VPS13B: variants seen among roughly 807,000 people sequenced by gnomAD.
The protein encoded by VPS13B is intermembrane lipid transfer protein VPS13B.
A neutral mutation model predicts 426.4 loss-of-function variants in VPS13B; 285 were observed. That is an observed-to-expected ratio of 0.67 (90% CI 0.61 to 0.74). The LOEUF is 0.74. VPS13B is among the 30% of genes least tolerant of loss of function. VPS13B has a pLI of 0.00. For synonymous variants in VPS13B, 1,676 were observed against 1,676.4 expected (o/e 1.00, Z 0.01); for missense variants, 4,537 against 4,782.6 (o/e 0.95, Z 1.51).
intron 32 of VPS13B, among the ~76,000 whole-genome samples, chr8:99,577,015 G>C (rs375762579): frequency 1.3e-5 from 2 of 152,042 alleles, no homozygotes; most frequent in Non-Finnish European, 2.9e-5. Flanking sequence ...TGCCCAACTA[G>C]ATTATAACCT....
intron 43 of VPS13B, among the ~76,000 whole-genome samples, chr8:99,808,665 G>A (rs948826040): frequency 2.0e-5 from 3 of 151,686 alleles, no homozygotes; most frequent in Non-Finnish European, 4.4e-5. Context: ...GCAGTTAGTG[G>A]GTAAGAGTAG....
chr8:99,737,561 A>C (rs1374470148), intron 39 of VPS13B, among the ~76,000 whole-genome samples: 1 of 152,174 alleles, frequency 6.6e-6, no homozygotes, highest in Non-Finnish European at 1.5e-5. Context: ...CTCTTATAAA[A>C]TAGTTTTCTA....
At chr8:99,239,354 G>A (rs1271116723) in intron 17 of VPS13B, among the ~76,000 whole-genome samples, 1 of 152,088 alleles carries the variant, frequency 6.6e-6, no homozygotes, top group Non-Finnish European at 1.5e-5. Flanking sequence ...GACAAAATCA[G>A]TCAAATTACT....
chr8:99,464,183 G>T (rs942877449), intron 23 of VPS13B, among the ~76,000 whole-genome samples: 2 of 152,046 alleles, frequency 1.3e-5, no homozygotes, highest in African/African-American at 4.8e-5. Flanking sequence ...CTGGTTTTTT[G>T]AATGTAAGAG....
At chr8:99,707,602 A>C (rs1267532354) in intron 36 of VPS13B, among the ~76,000 whole-genome samples, 2 of 152,218 alleles carry the variant, frequency 1.3e-5, no homozygotes, top group African/African-American at 4.8e-5. Context: ...TTTAACCAAA[A>C]CAAACAAAAA....
chr8:99,650,950 G>A (rs1040495832), intron 34 of VPS13B, among the ~76,000 whole-genome samples: 1 of 151,948 alleles, frequency 6.6e-6, no homozygotes, highest in Admixed American at 6.6e-5. Flanking sequence ...TATTTACATA[G>A]CACTTATATT....
intron 40 of VPS13B, among the ~76,000 whole-genome samples, chr8:99,774,485 A>G (rs1811649347): frequency 6.6e-6 from 1 of 152,228 alleles, no homozygotes; most frequent in Non-Finnish European, 1.5e-5. Flanking sequence ...ACCTTTTGTA[A>G]TATGTTATAA....
chr8:99,477,371 A>T lies in VPS13B; in HGVS notation c.3667-4228A>T, dbSNP rs530280431. 3.9e-5 allele frequency among the ~76,000 whole-genome samples: 6 copies of T among 152,214 alleles called. No individual in the cohort carries two copies. The East Asian group carries it at 1.2e-3, about 29-fold the overall frequency. ...TTGTTGTTTGCTTTTTGTTTTTAAA[A>T]TATATTTGTTGTAAGGAAGAGGAGC... is the stretch of plus-strand genomic sequence containing the variant. On this transcript the variant is annotated intron_variant, in intron 24 of 61. Transcript: ENST00000357162.
intron 36 of VPS13B, among the ~76,000 whole-genome samples, chr8:99,702,456 A>G (rs1056635201): frequency 3.3e-5 from 5 of 152,152 alleles, no homozygotes; most frequent in African/African-American, 1.2e-4. Context: ...AAGAAAAAGG[A>G]GCATTGCCTT....
chr8:99,299,179 A>G (rs950371268), intron 19 of VPS13B, among the ~76,000 whole-genome samples: 1 of 149,004 alleles, frequency 6.7e-6, no homozygotes, highest in Non-Finnish European at 1.5e-5. Flanking sequence ...CTCCTGCCTC[A>G]GCCTCCTGAG....
intron 20 of VPS13B, among the ~76,000 whole-genome samples, 192 bp from the exon 21 acceptor site, chr8:99,391,365 G>A (rs368197490): frequency 1.3e-5 from 2 of 151,068 alleles, no homozygotes; most frequent in East Asian, 1.9e-4. Flanking sequence ...GTGTGTGTGT[G>A]AGAGAGAGAG....
intron 34 of VPS13B, among the ~76,000 whole-genome samples, chr8:99,650,751 T>C (rs959371830): frequency 1.3e-5 from 2 of 152,194 alleles, no homozygotes. Flanking sequence ...CCACAGGTAA[T>C]TGCAGGTAAC....
chr8:99,288,592 T>C (rs1819565351), intron 19 of VPS13B, among the ~76,000 whole-genome samples: 1 of 152,042 alleles, frequency 6.6e-6, no homozygotes, highest in East Asian at 1.9e-4. Context: ...GGTCTCAATA[T>C]GTATGTGAAT....
chr8:99,353,101 C>T (rs1811983863), intron 19 of VPS13B, among the ~76,000 whole-genome samples: 1 of 151,876 alleles, frequency 6.6e-6, no homozygotes, highest in Non-Finnish European at 1.5e-5. Flanking sequence ...TGTGCTTCAT[C>T]CTCCCAAGTA....
At chr8:99,088,010 C>T (rs1845930963) in intron 3 of VPS13B, among the ~76,000 whole-genome samples, 1 of 151,532 alleles carries the variant, frequency 6.6e-6, no homozygotes. Flanking sequence ...ATGGTGAAAC[C>T]CCATCTCTAC....
chr8:99,302,523 T>A (rs1020516804), intron 19 of VPS13B, among the ~76,000 whole-genome samples: 2 of 152,094 alleles, frequency 1.3e-5, no homozygotes, highest in Non-Finnish European at 2.9e-5. Flanking sequence ...TTTTTTTTTT[T>A]ATTAAAGACA....
chr8:99,580,984 AACACACACACAC>A (rs34074519), intron 33 of VPS13B, among the ~76,000 whole-genome samples: 1,443 of 126,672 alleles, frequency 0.011, 25 homozygotes, highest in African/African-American at 0.038. Flanking sequence ...ATCTCTACAA[AACACACACACAC>A]ACACACACAC....
At chr8:99,227,216 G>A (rs1262210776) in intron 17 of VPS13B, among the ~76,000 whole-genome samples, 4 of 152,056 alleles carry the variant, frequency 2.6e-5, no homozygotes, top group Admixed American at 2.0e-4. Context: ...AGACACTATT[G>A]TATGTTAATC....
At chr8:99,725,196 A>C (rs372111349) in intron 39 of VPS13B, among the ~76,000 whole-genome samples, 4 of 152,248 alleles carry the variant, frequency 2.6e-5, no homozygotes, top group African/African-American at 9.6e-5. Flanking sequence ...ACTTGAACTT[A>C]TGTGTCCCCA....
Sources: allele counts gnomAD v4.1 joint callset (sites outside exome capture counted in the v4.1 genomes callset), GRCh38; gene constraint gnomAD v4.1.1; transcripts MANE v1.5; gene names NCBI Gene and HGNC (gene_info 2026-07-23, HGNC 2026-07-21).